The following PKIG variants were observed in gnomAD, a reference collection of about 807,000 sequenced individuals.
PKIG encodes the protein cAMP-dependent protein kinase inhibitor gamma.
Under a neutral mutation model 6.8 loss-of-function variants are expected in PKIG, and 1 was observed. That is an observed-to-expected ratio of 0.15 (90% CI 0.05 to 0.69). The LOEUF is 0.69. Ranked by LOEUF, PKIG falls within the 30% of genes least tolerant of loss-of-function variation. The pLI is 0.82. For missense variants in PKIG, 77 were observed against 104.0 expected (o/e 0.74, Z 1.13); for synonymous variants, 39 against 43.0 (o/e 0.91, Z 0.36).
intron 1 of PKIG, among the ~76,000 whole-genome samples, chr20:44,546,189 G>A (rs2064612354): frequency 6.6e-6 from 1 of 152,146 alleles, no homozygotes; most frequent in South Asian, 2.1e-4. Context: ...GGTTGAGGCT[G>A]CAGTGAGCCA....
At chr20:44,538,346 GA>G (rs2064531525) in intron 1 of PKIG, among the ~76,000 whole-genome samples, 1 of 152,178 alleles carries the variant, frequency 6.6e-6, no homozygotes, top group Non-Finnish European at 1.5e-5. Flanking sequence ...TGAGAAAATT[GA>G]AGATCAGAGG....
intron 1 of PKIG, among the ~76,000 whole-genome samples, chr20:44,547,302 G>A (rs528773646): frequency 1.3e-5 from 2 of 152,304 alleles, no homozygotes; most frequent in South Asian, 4.1e-4. Flanking sequence ...CAAAAGTAGA[G>A]AGAATGGTAT....
At chr20:44,585,563 C>T (rs1415547569) in intron 1 of PKIG, among the ~76,000 whole-genome samples, 1 of 152,214 alleles carries the variant, frequency 6.6e-6, no homozygotes, top group African/African-American at 2.4e-5. Flanking sequence ...GGGGCTAGAG[C>T]TTGAGTTCCC....
intron 1 of PKIG, among the ~76,000 whole-genome samples, chr20:44,552,531 A>G (rs1367218750): frequency 6.6e-6 from 1 of 152,064 alleles, no homozygotes; most frequent in Non-Finnish European, 1.5e-5. Flanking sequence ...AGGGTAATTC[A>G]TATATATTTC....
At chr20:44,591,844 G>A (rs565653906) in intron 2 of PKIG, among the ~76,000 whole-genome samples, 7 of 152,308 alleles carry the variant, frequency 4.6e-5, no homozygotes, top group African/African-American at 7.2e-5. Context: ...GCCATGTAAG[G>A]ATTTGTTGAA....
At chr20:44,567,276 G>A (rs1327678166) in intron 1 of PKIG, among the ~76,000 whole-genome samples, 1 of 152,142 alleles carries the variant, frequency 6.6e-6, no homozygotes, top group Non-Finnish European at 1.5e-5. Context: ...TGACCCTAGG[G>A]TCTGGCTACC....
chr20:44,538,858 A>G (rs746924305), intron 1 of PKIG, among the ~76,000 whole-genome samples: 3 of 152,140 alleles, frequency 2.0e-5, no homozygotes, highest in Non-Finnish European at 4.4e-5. Context: ...CCTAGGTTCA[A>G]GTGATCCTCC....
intron 2 of PKIG, among the ~76,000 whole-genome samples, chr20:44,597,714 T>C (rs1016824339): frequency 6.6e-6 from 1 of 152,140 alleles, no homozygotes; most frequent in African/African-American, 2.4e-5. Flanking sequence ...CCGGGCCTCC[T>C]GCTGCGGATG....
intron 2 of PKIG, among the ~76,000 whole-genome samples, chr20:44,603,545 C>A (rs1320809482): frequency 2.6e-5 from 4 of 152,062 alleles, no homozygotes; most frequent in Non-Finnish European, 5.9e-5. Flanking sequence ...CAGGGACTCC[C>A]AAGGGGGCAG....
At chr20:44,607,343 A>G (rs6031669) in intron 2 of PKIG, among the ~76,000 whole-genome samples, 5 of 139,924 alleles carry the variant, frequency 3.6e-5, no homozygotes, top group East Asian at 4.2e-4. Flanking sequence ...TTGTGTGTGT[A>G]TATGTGTGTG....
At chr20:44,533,824 C>G (rs2064489080) in intron 1 of PKIG, among the ~76,000 whole-genome samples, 2 of 152,110 alleles carry the variant, frequency 1.3e-5, no homozygotes, top group South Asian at 4.1e-4. Context: ...TAATGAAGGC[C>G]AAAGGGAGAG....
chr20:44,580,322 G>GT (rs1458141641), upstream of PKIG, among the ~76,000 whole-genome samples: 1 of 151,528 alleles, frequency 6.6e-6, no homozygotes, highest in East Asian at 1.9e-4. Flanking sequence ...CCAGGCTGGT[G>GT]TTTTTTTGTT....
At chr20:44,542,132 G>A (rs1431660602) in intron 1 of PKIG, among the ~76,000 whole-genome samples, 1 of 152,174 alleles carries the variant, frequency 6.6e-6, no homozygotes, top group East Asian at 1.9e-4. Flanking sequence ...TTCTCTGTTA[G>A]CCAATCCTTA....
intron 1 of PKIG, among the ~76,000 whole-genome samples, chr20:44,547,713 G>GA (rs573123715): frequency 3.9e-5 from 6 of 152,066 alleles, no homozygotes; most frequent in East Asian, 1.9e-4. Context: ...TTCTTCGTCG[G>GA]AAAAAATGGG....
intron 1 of PKIG, among the ~76,000 whole-genome samples, chr20:44,546,292 C>T (rs371908111): frequency 2.0e-5 from 3 of 152,054 alleles, no homozygotes; most frequent in South Asian, 4.2e-4. Context: ...AGGCTTTCAT[C>T]CCTTAGCCAG....
chr20:44,555,326 T>A (rs2064703814), intron 1 of PKIG, among the ~76,000 whole-genome samples: 1 of 152,238 alleles, frequency 6.6e-6, no homozygotes, highest in Non-Finnish European at 1.5e-5. Context: ...CAGTGTACTG[T>A]CAAAACACTG....
rs571466967 is a variant in PKIG, at chr20:44,554,188, G to A, written c.-241+22210G>A. Among the ~76,000 whole-genome samples the A allele has an allele frequency of 2.8e-3, 427 of 151,508 alleles. 3 individuals are homozygous for A. Among genetic ancestry groups the A allele is most frequent in the South Asian group, 0.02 (96 of 4,796 alleles). ...TGCCTCGCAGGCTCAAGCAATTCTC[G>A]TGCCTCAGCCTTCCCAGTACCTGGG... is the stretch of plus-strand genomic sequence containing the variant. On this transcript the variant is annotated intron_variant, in intron 1 of 4. Transcript: ENST00000372887.
chr20:44,574,200 G>C (rs1277532846), intron 1 of PKIG, among the ~76,000 whole-genome samples: 1 of 152,066 alleles, frequency 6.6e-6, no homozygotes, highest in Non-Finnish European at 1.5e-5. Flanking sequence ...TAAAAGATTT[G>C]TAATAAAAAC....
intron 2 of PKIG, among the ~76,000 whole-genome samples, chr20:44,607,377 A>ATATTT (rs1414609234): frequency 1.1e-5 from 1 of 94,256 alleles, no homozygotes; most frequent in African/African-American, 4.7e-5. Context: ...ATATATATAT[A>ATATTT]TTTTTTTTTT....
Sources: allele counts gnomAD v4.1 joint callset (sites outside exome capture counted in the v4.1 genomes callset), GRCh38; gene constraint gnomAD v4.1.1; transcripts MANE v1.5; gene names NCBI Gene and HGNC (gene_info 2026-07-23, HGNC 2026-07-21).